PIK3C3: variants seen among roughly 807,000 people sequenced by gnomAD.
The protein encoded by PIK3C3 is phosphatidylinositol 3-kinase catalytic subunit type 3, also known as PI3-kinase type 3.
PIK3C3 carries 95 observed loss-of-function variants against 126.1 expected under a neutral mutation model. That is an observed-to-expected ratio of 0.75 (90% confidence interval 0.64 to 0.89). PIK3C3 has a LOEUF of 0.89. PIK3C3 is among the 40% of genes least tolerant of loss of function. The pLI is 0.00. For missense variants in PIK3C3, 829 were observed against 1,063.2 expected, an observed-to-expected ratio of 0.78 and a Z score of 3.06; for synonymous variants, 374 against 360.0, an observed-to-expected ratio of 1.04 and a Z score of -0.44.
intron 22 of PIK3C3, among the ~76,000 whole-genome samples, chr18:42,059,512 G>C (rs647512): frequency 6.6e-6 from 1 of 151,934 alleles, no homozygotes; most frequent in Non-Finnish European, 1.5e-5. Context: ...AGAAATGTCA[G>C]AGGTGCTCTA....
rs962690333 is a variant in PIK3C3 at position 42,081,374 on chromosome 18, T to A, written c.*237T>A. The A allele has an allele frequency of 2.5e-6, 1 of 394,088 alleles. No homozygotes were observed. The highest frequency in any genetic ancestry group is 2.1e-5 in the African/African-American group (1 of 48,350). 24.4% of individuals were successfully genotyped at this position (394,088 alleles called of 1,614,324 possible). ...GTATATATTTTTTCAAATGTATACA[T>A]TGTTAATAAATTAAGAAATGAGAAA... On this transcript the variant is annotated 3_prime_UTR_variant, in exon 25 of 25. Coordinates refer to ENST00000262039, the MANE Select transcript of PIK3C3 (RefSeq NM_002647.4).
At chr18:42,080,588 A>T (rs540066013) in intron 24 of PIK3C3, among the ~76,000 whole-genome samples, 25 of 152,208 alleles carry the variant, frequency 1.6e-4, no homozygotes, top group Non-Finnish European at 3.2e-4. Flanking sequence ...TTTTATTCCT[A>T]CTGGGGATAT....
At chr18:42,044,493 G>T (rs1984472142) in intron 20 of PIK3C3, among the ~76,000 whole-genome samples, 1 of 151,914 alleles carries the variant, frequency 6.6e-6, no homozygotes, top group Non-Finnish European at 1.5e-5. Context: ...GCTTACTGCG[G>T]CCTGGACCTC....
At chr18:42,051,873 T>G (rs1328073551) in intron 21 of PIK3C3, among the ~76,000 whole-genome samples, 1 of 152,062 alleles carries the variant, frequency 6.6e-6, no homozygotes, top group African/African-American at 2.4e-5. Flanking sequence ...AAAATAATGC[T>G]AAATGACGAG....
chr18:42,061,985 A>G (rs1985336101), intron 22 of PIK3C3, among the ~76,000 whole-genome samples: 1 of 151,806 alleles, frequency 6.6e-6, no homozygotes, highest in Non-Finnish European at 1.5e-5. Flanking sequence ...TGGCAAGGGG[A>G]AAGTTCTGGA....
Position 42,033,909 on chromosome 18 carries a change from C to A in PIK3C3, c.1791C>A (p.Pro597=). 6.2e-7 allele frequency: 1 copy of A among 1,607,068 alleles called. No individual in the cohort carries two copies. Among genetic ancestry groups the A allele is most frequent in the South Asian group, 1.1e-5 (1 of 89,986 alleles). Residue 597 remains proline (P), a synonymous_variant, in exon 16 of 25, where the codon CCC becomes CCA. Transcript: ENST00000262039. ...AACTTATCCCGTTGCCTTTAGAACC[C>A]CAAGTGAAAATTAGAGGAATAATTC... The part of the protein sequence containing the change: ...DVELIPLPLE[P]QVKIRGIIPE...
chr18:42,035,028 T>C (rs1983987009), intron 16 of PIK3C3, among the ~76,000 whole-genome samples: 2 of 152,224 alleles, frequency 1.3e-5, no homozygotes, highest in African/African-American at 4.8e-5. Context: ...AACATTATTC[T>C]GTTGCTTTAA....
intron 5 of PIK3C3, 57 bp downstream of exon 5, chr18:41,987,955 A>AT: frequency 9.7e-7 from 1 of 1,036,138 alleles, no homozygotes; most frequent in Non-Finnish European, 1.4e-6. Context: ...TAAATTAACA[A>AT]TTTTTTGATA....
intron 9 of PIK3C3, among the ~76,000 whole-genome samples, chr18:42,000,821 A>G (rs1310493014): frequency 2.0e-5 from 3 of 152,252 alleles, no homozygotes; most frequent in South Asian, 2.1e-4. Context: ...TATCATGAGA[A>G]CAGCATGAGA....
chr18:41,975,653 GTTTCTCAGATATT>G (rs972362505), intron 4 of PIK3C3, among the ~76,000 whole-genome samples: 16 of 150,890 alleles, frequency 1.1e-4, no homozygotes, highest in Admixed American at 8.6e-4. Flanking sequence ...AGCTGGAAAG[GTTTCTCAGATATT>G]TTTCTCAGTT....
At chr18:42,027,606 T>C in intron 14 of PIK3C3, 58 bp downstream of exon 14, 1 of 945,768 alleles carries the variant, frequency 1.1e-6, no homozygotes, top group South Asian at 1.4e-5. Context: ...TTCAGCCTGT[T>C]GCCTGTTTAG....
At chr18:41,987,972 A>G in intron 5 of PIK3C3, 74 bp downstream of exon 5, 1 of 846,614 alleles carries the variant, frequency 1.2e-6, no homozygotes, top group Non-Finnish European at 1.8e-6. Context: ...GATAAGAATT[A>G]TTATTAGGTA....
chr18:42,073,036 C>G (rs549528602), intron 24 of PIK3C3, among the ~76,000 whole-genome samples: 10 of 152,218 alleles, frequency 6.6e-5, no homozygotes, highest in Admixed American at 3.3e-4. Flanking sequence ...GGTGTGTTTT[C>G]CAGTAATGTT....
At chr18:42,017,769 G>A (rs1251677732) in intron 12 of PIK3C3, among the ~76,000 whole-genome samples, 3 of 151,702 alleles carry the variant, frequency 2.0e-5, no homozygotes, top group Admixed American at 6.6e-5. Context: ...ATATTTTGTT[G>A]CGTTTATCTT....
chr18:41,957,624 C>A lies in PIK3C3; in HGVS notation c.123C>A (p.Asp41Glu), dbSNP rs771517281. 1 of 1,612,914 alleles carries A rather than the reference C, an allele frequency of 6.2e-7. No homozygotes were observed. Among genetic ancestry groups the A allele is most frequent in the South Asian group, 1.1e-5 (1 of 90,926 alleles). ...EQKSYKAVLE[D>E]PMLKFSGLYQ... Reference sequence around the variant, plus strand: ...AGAGTTATAAAGCTGTCCTGGAAGACCCAATGTTGAAGTTCTCAGGACTAT... The same window carrying A: ...AGAGTTATAAAGCTGTCCTGGAAGAACCAATGTTGAAGTTCTCAGGACTAT... The change falls in exon 2 of 25, where the codon GAC becomes GAA. Residue 41 changes from aspartate (D) to glutamate (E), a missense_variant. Transcript: ENST00000262039.
chr18:42,027,907 C>A (rs901636448), intron 14 of PIK3C3, among the ~76,000 whole-genome samples: 11 of 152,154 alleles, frequency 7.2e-5, no homozygotes, highest in African/African-American at 2.7e-4. Context: ...GCACCTGCCT[C>A]GGCCTCCCAA....
Position 42,083,006 on chromosome 18 carries a change from G to C in PIK3C3, c.*1869G>C, listed in dbSNP as rs997093906. 2.0e-5 allele frequency: 3 copies of C among 152,186 alleles called. No homozygotes were observed. The highest frequency in any genetic ancestry group is 2.9e-5 in the Non-Finnish European group (2 of 68,028). 9.4% of individuals were successfully genotyped at this position (152,186 alleles called of 1,614,324 possible). ...TTTGTATTCAGTGCCACCTTAACAA[G>C]AATTGTAAAGAGGATAAACCTTTCT... On this transcript the variant is annotated 3_prime_UTR_variant, in exon 25 of 25. Coordinates refer to ENST00000262039, the MANE Select transcript of PIK3C3 (RefSeq NM_002647.4).
chr18:42,043,958 G>T (rs1984443022), intron 20 of PIK3C3, 141 bp downstream of exon 20: 2 of 557,342 alleles, frequency 3.6e-6, no homozygotes, highest in South Asian at 2.6e-5. Context: ...GTTGATTAAA[G>T]TAGTCATTGA....
chr18:41,962,585 A>T lies in PIK3C3; in HGVS notation c.354A>T (p.Lys118Asn). 2 of 1,613,542 alleles carry T rather than the reference A, an allele frequency of 1.2e-6. No individual in the cohort carries two copies. Among genetic ancestry groups the T allele is most frequent in the South Asian group, 2.2e-5 (2 of 91,022 alleles). Reference sequence around the variant, plus strand: ...TATGGGATGTGTATGGTCCCGGAAAAGCAGTGCCTGTAGGAGGAACAACGG... The same window carrying T: ...TATGGGATGTGTATGGTCCCGGAAATGCAGTGCCTGTAGGAGGAACAACGG... ...LTIWDVYGPG[K>N]AVPVGGTTVS... Residue 118 changes from lysine (K) to asparagine (N), a missense_variant, in exon 3 of 25, where the codon AAA (lysine) becomes AAT (asparagine). By Grantham distance (94) the Lys-to-Asn change is moderately conservative (BLOSUM62 0). Transcript: ENST00000262039.
Sources: allele counts gnomAD v4.1 joint callset (sites outside exome capture counted in the v4.1 genomes callset), GRCh38; gene constraint gnomAD v4.1.1; transcripts MANE v1.5; gene names NCBI Gene and HGNC (gene_info 2026-07-23, HGNC 2026-07-21).